The following GLRB variants were observed in gnomAD, a reference collection of about 807,000 sequenced individuals.
GLRB encodes glycine receptor beta.
Under a neutral mutation model 54.2 loss-of-function variants are expected in GLRB, and 33 were observed. That is an observed-to-expected ratio of 0.61 (90% CI 0.46 to 0.81). The LOEUF is 0.81. GLRB is among the 40% of genes least tolerant of loss of function. The probability of loss-of-function intolerance (pLI) is 0.00; values close to 1 mark genes in which losing one functional copy is unlikely to be tolerated. For missense variants in GLRB, 572 were observed against 584.6 expected (o/e 0.98, Z 0.22); for synonymous variants, 209 against 208.2 (o/e 1.00, Z -0.03).
chr4:157,153,449 C>T (rs554316454), intron 9 of GLRB, among the ~76,000 whole-genome samples: 6 of 152,122 alleles, frequency 3.9e-5, no homozygotes, highest in Admixed American at 6.6e-5. Flanking sequence ...ATGATTAAAT[C>T]ACCCACCATT....
In GLRB at chr4:157,089,396, C is replaced by A. The variant is rs1014798296; in HGVS notation, c.122+11250C>A. 5.0e-4 allele frequency among the ~76,000 whole-genome samples: 76 copies of A among 151,944 alleles called. 1 individual carries two copies. The highest frequency in any genetic ancestry group is 8.8e-5 in the Non-Finnish European group (6 of 67,988). ...CTCCAGCCTGGGCGACAGAGGGAGA[C>A]CCTGTTTCAAAGAAATAAGTAAATG... On this transcript the variant is annotated intron_variant, in intron 2 of 9. Transcript: ENST00000264428.
intron 2 of GLRB, among the ~76,000 whole-genome samples, chr4:157,094,911 A>C (rs1734748830): frequency 6.6e-6 from 1 of 152,224 alleles, no homozygotes; most frequent in South Asian, 2.1e-4. Flanking sequence ...ACGTACAAGA[A>C]TGTTTACAGA....
chr4:157,133,467 G>A (rs1560960614), intron 4 of GLRB, among the ~76,000 whole-genome samples: 1 of 151,876 alleles, frequency 6.6e-6, no homozygotes, highest in Non-Finnish European at 1.5e-5. Context: ...GATGTCCATT[G>A]TGAACTGGTT....
chr4:157,113,385 G>C (rs950633454), intron 2 of GLRB, among the ~76,000 whole-genome samples: 1 of 151,820 alleles, frequency 6.6e-6, no homozygotes, highest in Non-Finnish European at 1.5e-5. Flanking sequence ...GAGGTTTGGA[G>C]ATCATTAGCA....
chr4:157,131,973 G>C (rs551581231), intron 4 of GLRB, among the ~76,000 whole-genome samples: 4 of 151,878 alleles, frequency 2.6e-5, no homozygotes, highest in African/African-American at 9.6e-5. Context: ...GTTTCGTTTT[G>C]TAAGAAACCA....
intron 8 of GLRB, among the ~76,000 whole-genome samples, chr4:157,147,872 C>T (rs950889294): frequency 1.3e-4 from 20 of 152,132 alleles, no homozygotes; most frequent in African/African-American, 4.3e-4. Flanking sequence ...TCTGTCATTC[C>T]GTTAAACTCT....
intron 2 of GLRB, among the ~76,000 whole-genome samples, chr4:157,078,957 A>G (rs1734135629): frequency 6.6e-6 from 1 of 152,188 alleles, no homozygotes; most frequent in South Asian, 2.1e-4. Context: ...ATTTTTTAGT[A>G]GAGACAGGAT....
chr4:157,126,237 T>G (rs1736012484), intron 4 of GLRB, among the ~76,000 whole-genome samples: 1 of 151,918 alleles, frequency 6.6e-6, no homozygotes. Flanking sequence ...TTTCTCTAAA[T>G]TTAGATGCTA....
intron 2 of GLRB, among the ~76,000 whole-genome samples, chr4:157,078,452 A>C (rs1336163600): frequency 6.6e-6 from 1 of 152,072 alleles, no homozygotes; most frequent in African/African-American, 2.4e-5. Context: ...GTGCTGTGCA[A>C]CTTTAATTGG....
intron 2 of GLRB, among the ~76,000 whole-genome samples, chr4:157,117,610 G>A (rs1032996671): frequency 6.6e-6 from 1 of 151,738 alleles, no homozygotes; most frequent in Non-Finnish European, 1.5e-5. Context: ...GAGGGTGGGG[G>A]AAGTCATTAC....
chr4:157,139,937 G>A (rs1736548444), intron 7 of GLRB, among the ~76,000 whole-genome samples: 1 of 151,866 alleles, frequency 6.6e-6, no homozygotes, highest in South Asian at 2.1e-4. Context: ...TGTCATCAAG[G>A]CAACATATAA....
chr4:157,114,804 G>T (rs902623113), intron 2 of GLRB, among the ~76,000 whole-genome samples: 1 of 151,740 alleles, frequency 6.6e-6, no homozygotes, highest in Admixed American at 6.6e-5. Context: ...AGACCCGCGG[G>T]TTAAAATGTG....
chr4:157,091,049 T>A (rs938652292), intron 2 of GLRB, among the ~76,000 whole-genome samples: 1 of 152,136 alleles, frequency 6.6e-6, no homozygotes, highest in African/African-American at 2.4e-5. Flanking sequence ...AAAATGGCTT[T>A]TCATGGAACT....
At chr4:157,083,097 G>T (rs978871700) in intron 2 of GLRB, among the ~76,000 whole-genome samples, 1 of 151,336 alleles carries the variant, frequency 6.6e-6, no homozygotes, top group African/African-American at 2.4e-5. Flanking sequence ...AAACTATTTT[G>T]CTAATTTTAT....
At chr4:157,122,425 G>T (rs1442369814) in intron 4 of GLRB, 28 bp downstream of exon 4, 1 of 872,996 alleles carries the variant, frequency 1.1e-6, no homozygotes, top group Admixed American at 1.8e-5. Flanking sequence ...TTAATATTTT[G>T]TCAAATATTT....
chr4:157,078,099 G>A lies in GLRB; in HGVS notation c.75G>A (p.Lys25=). Residue 25 remains lysine (K), a synonymous_variant, in exon 2 of 10, where the codon AAG becomes AAA. Transcript: ENST00000264428. ...TGGAAGAAGCCTATTCTAAGGAAAA[G>A]TCTTCAAAGAAAGGGAAGGGGAAAA... is the stretch of plus-strand genomic sequence containing the variant. The part of the protein sequence containing the change: ...LWVEEAYSKE[K]SSKKGKGKKK... The A allele has an allele frequency of 6.2e-7, 1 of 1,611,938 alleles. No individual in the cohort carries two copies. The highest frequency in any genetic ancestry group is 8.5e-7 in the Non-Finnish European group (1 of 1,178,354).
chr4:157,109,772 A>C (rs1735350532), intron 2 of GLRB, among the ~76,000 whole-genome samples: 1 of 152,046 alleles, frequency 6.6e-6, no homozygotes, highest in South Asian at 2.1e-4. Context: ...CACAGAGCTC[A>C]GGAAAACACT....
chr4:157,119,575 T>C (rs1188463676), intron 2 of GLRB, among the ~76,000 whole-genome samples: 1 of 151,710 alleles, frequency 6.6e-6, no homozygotes, highest in Non-Finnish European at 1.5e-5. Flanking sequence ...CAATGTTTCA[T>C]ACATTTAGTA....
chr4:157,149,695 A>T (rs957999980), intron 8 of GLRB, among the ~76,000 whole-genome samples: 1 of 152,130 alleles, frequency 6.6e-6, no homozygotes, highest in Admixed American at 6.6e-5. Flanking sequence ...TGATTATCAC[A>T]GTATGAGATA....
Sources: allele counts gnomAD v4.1 joint callset (sites outside exome capture counted in the v4.1 genomes callset), GRCh38; gene constraint gnomAD v4.1.1; transcripts MANE v1.5; gene names NCBI Gene and HGNC (gene_info 2026-07-23, HGNC 2026-07-21).